GALM: variants seen among roughly 807,000 people sequenced by gnomAD.
GALM encodes the protein aldose 1-epimerase.
A neutral mutation model predicts 37.4 loss-of-function variants in GALM; 43 were observed. The observed-to-expected ratio is 1.15, with a 90% CI of 0.90 to 1.48. GALM has a LOEUF of 1.48. Ranked by LOEUF, GALM falls within the 40% of genes most tolerant of loss-of-function variation. GALM has a pLI of 0.00. For missense variants in GALM, 456 were observed against 419.1 expected, an observed-to-expected ratio of 1.09 and a Z score of -0.77; for synonymous variants, 199 against 170.6, an observed-to-expected ratio of 1.17 and a Z score of -1.30.
intron 2 of GALM, among the ~76,000 whole-genome samples, chr2:38,680,563 C>T (rs1665371115): frequency 6.6e-6 from 1 of 152,118 alleles, no homozygotes; most frequent in Admixed American, 6.6e-5. Context: ...GTTTTGAACT[C>T]TGCCTAGGGA....
At position 38,681,279 on chromosome 2, in the gene GALM, G is replaced by C. The variant is rs957167920; in HGVS notation, c.346-1G>C. On this transcript the variant is annotated splice_acceptor_variant, in intron 2 of 6. Transcript: ENST00000272252. LOFTEE classifies it high-confidence loss of function. The stretch of plus-strand genomic sequence containing the variant: ...ACAACTTTGAAAACACTTTTTTCCA[G>C]GTGCTCTGGACCCCTCGGGTGCTGT... 1 of 1,612,462 alleles carries C rather than the reference G, an allele frequency of 6.2e-7. No individual in the cohort carries two copies. Among genetic ancestry groups the C allele is most frequent in the Non-Finnish European group, 8.5e-7 (1 of 1,179,694 alleles).
chr2:38,730,142 G>A (rs566960428), intron 5 of GALM, among the ~76,000 whole-genome samples: 10 of 152,260 alleles, frequency 6.6e-5, no homozygotes, highest in African/African-American at 2.2e-4. Context: ...GCACGCTCTC[G>A]CCTTCTCACC....
At chr2:38,683,166 C>T (rs928450419) in intron 3 of GALM, among the ~76,000 whole-genome samples, 2 of 152,124 alleles carry the variant, frequency 1.3e-5, no homozygotes, top group African/African-American at 4.8e-5. Context: ...AGTATTCCAT[C>T]TGCCAGTGTG....
Position 38,700,686 on chromosome 2 carries a change from A to G in GALM, c.634+10792A>G, listed in dbSNP as rs145537310. ...GTTTTTTAATCCATTCAGCCAGTCT[A>G]TATATTTTAAGGGGGGAAGTTTAAT... On this transcript the variant is annotated intron_variant, in intron 4 of 6. Transcript: ENST00000272252. 3.3e-3 allele frequency among the ~76,000 whole-genome samples: 500 copies of G among 152,198 alleles called. 3 individuals carry two copies. Among genetic ancestry groups the G allele is most frequent in the Middle Eastern group, 0.01 (3 of 294 alleles).
At chr2:38,722,884 C>G (rs1321679217) in intron 4 of GALM, among the ~76,000 whole-genome samples, 4 of 152,194 alleles carry the variant, frequency 2.6e-5, no homozygotes, top group Non-Finnish European at 5.9e-5. Context: ...GATTCTGACA[C>G]TATGCAGATG....
At chr2:38,698,983 G>A (rs564680811) in intron 4 of GALM, among the ~76,000 whole-genome samples, 8 of 152,074 alleles carry the variant, frequency 5.3e-5, no homozygotes, top group African/African-American at 1.9e-4. Context: ...GCACATCCTC[G>A]GCTCACTGCA....
At chr2:38,729,115 T>G (rs1367177293) in intron 4 of GALM, among the ~76,000 whole-genome samples, 3 of 152,274 alleles carry the variant, frequency 2.0e-5, no homozygotes, top group Non-Finnish European at 4.4e-5. Context: ...AATGGTGCAG[T>G]ATTTGCATAT....
chr2:38,694,876 A>G (rs1665765044), intron 4 of GALM, among the ~76,000 whole-genome samples: 1 of 149,234 alleles, frequency 6.7e-6, no homozygotes, highest in Non-Finnish European at 1.5e-5. Flanking sequence ...CAGCCTGGGC[A>G]ACAGAGCAAG....
chr2:38,702,621 GA>G (rs1665941854), intron 4 of GALM, among the ~76,000 whole-genome samples: 1 of 152,046 alleles, frequency 6.6e-6, no homozygotes, highest in African/African-American at 2.4e-5. Flanking sequence ...CAGCCATTTA[GA>G]ATTCATGATG....
Position 38,707,958 on chromosome 2 carries a change from T to C in GALM, c.634+18064T>C, listed in dbSNP as rs188165240. 4.4e-3 allele frequency among the ~76,000 whole-genome samples: 671 copies of C among 151,864 alleles called. 3 individuals are homozygous for C. The highest frequency in any genetic ancestry group is 7.1e-3 in the Non-Finnish European group (479 of 67,936). Reference sequence around the variant, plus strand: ...CCCTGTCTCTACTAAAAATAAAAAATTAGCGAGGCGTGGTAGCACACACCT... The same window carrying C: ...CCCTGTCTCTACTAAAAATAAAAAACTAGCGAGGCGTGGTAGCACACACCT... On this transcript the variant is annotated intron_variant, in intron 4 of 6. Coordinates refer to ENST00000272252, the MANE Select transcript of GALM (RefSeq NM_138801.3).
At chr2:38,730,330 G>C (rs896982651) in intron 5 of GALM, among the ~76,000 whole-genome samples, 1 of 152,174 alleles carries the variant, frequency 6.6e-6, no homozygotes, top group African/African-American at 2.4e-5. Flanking sequence ...GCAGTGGTGC[G>C]ATCTAGGTTT....
At chr2:38,680,087 C>T (rs187404393) in intron 2 of GALM, 44 of 453,332 alleles carry the variant, frequency 9.7e-5, no homozygotes, top group South Asian at 5.0e-4. Flanking sequence ...TGTGCGATCT[C>T]GGCTCACTGC....
intron 6 of GALM, among the ~76,000 whole-genome samples, chr2:38,732,638 G>T (rs1267843299): frequency 6.6e-6 from 1 of 152,164 alleles, no homozygotes; most frequent in Non-Finnish European, 1.5e-5. Context: ...CTTGCACCTT[G>T]GGCTGGGCAA....
chr2:38,731,602 C>T, intron 5 of GALM, 133 bp from the exon 6 acceptor site: 1 of 693,618 alleles, frequency 1.4e-6, no homozygotes, highest in Non-Finnish European at 2.5e-6. Context: ...CTCTTCCTAC[C>T]TTCATCTCCT....
At position 38,689,835 on chromosome 2, in the gene GALM, A is replaced by C. The variant is rs757320017; in HGVS notation, c.575A>C (p.His192Pro). 1.6e-5 allele frequency: 26 copies of C among 1,609,900 alleles called. No individual in the cohort carries two copies. Among genetic ancestry groups the C allele is most frequent in the Non-Finnish European group, 2.0e-5 (24 of 1,176,992 alleles). The change falls in exon 4 of 7, where the codon CAT (histidine) becomes CCT (proline). Residue 192 changes from histidine to proline, a missense_variant. By Grantham distance (77) the His-to-Pro change is moderately conservative (BLOSUM62 -2). Transcript: ENST00000272252. ...CAGGCTTCCCCAAATATAAATGACCATGAAGTCACCATAGAAGCGGATACT... is the reference window on the plus strand; with the variant it reads ...CAGGCTTCCCCAAATATAAATGACCCTGAAGTCACCATAGAAGCGGATACT... The part of the protein sequence containing the change: ...AGQASPNIND[H>P]EVTIEADTYL...
chr2:38,673,056 T>C (rs572164246), intron 1 of GALM, among the ~76,000 whole-genome samples: 124 of 152,234 alleles, frequency 8.1e-4, no homozygotes, highest in African/African-American at 2.9e-3. Flanking sequence ...TGATAGTCAA[T>C]GGGCAACACT....
chr2:38,695,287 A>G (rs1192727284), intron 4 of GALM, among the ~76,000 whole-genome samples: 1 of 152,064 alleles, frequency 6.6e-6, no homozygotes, highest in Non-Finnish European at 1.5e-5. Context: ...CCAATCTCAC[A>G]GCCCAGTCTC....
intron 1 of GALM, among the ~76,000 whole-genome samples, chr2:38,667,961 G>C (rs1394629010): frequency 6.6e-6 from 1 of 152,200 alleles, no homozygotes; most frequent in East Asian, 1.9e-4. Context: ...ATGCTGCATG[G>C]GGAGGCCAAG....
At chr2:38,714,816 T>G (rs568825905) in intron 4 of GALM, among the ~76,000 whole-genome samples, 227 of 152,342 alleles carry the variant, frequency 1.5e-3, no homozygotes, top group African/African-American at 5.1e-3. Flanking sequence ...AGACTAGTTT[T>G]CAATGGATAG....
Sources: gnomAD v4.1 joint callset for allele counts (sites outside exome capture counted in the v4.1 genomes callset) on GRCh38, gnomAD v4.1.1 for gene constraint, MANE v1.5 for transcripts, NCBI Gene and HGNC (gene_info 2026-07-23, HGNC 2026-07-21) for gene names.